CFAP54: variants seen among roughly 807,000 people sequenced by gnomAD.
CFAP54 encodes the protein cilia and flagella associated protein 54.
CFAP54 carries 290 observed loss-of-function variants against 370.4 expected under a neutral mutation model. The observed-to-expected ratio is 0.78, with a 90% CI of 0.71 to 0.86. The LOEUF is 0.86. Ranked by LOEUF, CFAP54 falls within the 40% of genes least tolerant of loss-of-function variation. CFAP54 has a pLI of 0.00. For missense variants in CFAP54, 3,399 were observed against 3,528.7 expected, an observed-to-expected ratio of 0.96 and a Z score of 0.93; for synonymous variants, 1,206 against 1,236.5, an observed-to-expected ratio of 0.98 and a Z score of 0.52.
At chr12:96,699,876 G>A in intron 45 of CFAP54, 95 bp from the exon 46 acceptor site, 1 of 1,015,252 alleles carries the variant, frequency 9.8e-7, no homozygotes, top group South Asian at 1.6e-5. Context: ...CAGAAACTTT[G>A]GATCTCAGAA....
intron 42 of CFAP54, among the ~76,000 whole-genome samples, chr12:96,687,800 T>C (rs1376637228): frequency 6.6e-6 from 1 of 152,154 alleles, no homozygotes; most frequent in African/African-American, 2.4e-5. Flanking sequence ...GCTTGGCAAT[T>C]GGGAATGGAA....
At chr12:96,722,005 CCTT>C (rs1218939848) in intron 50 of CFAP54, among the ~76,000 whole-genome samples, 1 of 152,140 alleles carries the variant, frequency 6.6e-6, no homozygotes, top group Non-Finnish European at 1.5e-5. Context: ...CGACCACTGT[CCTT>C]CTCTTTCTGC....
rs952005278 is a variant in CFAP54 at position 96,554,818 on chromosome 12, G to A, written c.2410+16G>A. 6 of 1,519,208 alleles carry A rather than the reference G, an allele frequency of 3.9e-6. No homozygotes were observed. The East Asian group carries it at 1.5e-4, about 38-fold the overall frequency. 94.1% of individuals were successfully genotyped at this position (1,519,208 alleles called of 1,614,324 possible). ...AAATTGCAAGGTAGTAGTCACTAAAGCAAGTAACCATTCTGAATCAATTTT... is the reference window on the plus strand; with the variant it reads ...AAATTGCAAGGTAGTAGTCACTAAAACAAGTAACCATTCTGAATCAATTTT... On this transcript the variant is annotated intron_variant, in intron 17 of 67. Transcript: ENST00000524981.
chr12:96,630,385 T>A (rs1956593894), intron 31 of CFAP54, among the ~76,000 whole-genome samples, 166 bp from the exon 32 acceptor site: 1 of 39,502 alleles, frequency 2.5e-5, no homozygotes, highest in Non-Finnish European at 5.0e-5. Flanking sequence ...ATAATCAGAT[T>A]TTTTTTGTCT....
At chr12:96,519,433 C>A (rs1262659759) in intron 6 of CFAP54, among the ~76,000 whole-genome samples, 1 of 152,038 alleles carries the variant, frequency 6.6e-6, no homozygotes, top group African/African-American at 2.4e-5. Context: ...CCAGCATTTT[C>A]TTCCTTAGAT....
chr12:96,529,970 T>G (rs570681970), intron 9 of CFAP54, among the ~76,000 whole-genome samples: 1 of 152,344 alleles, frequency 6.6e-6, no homozygotes, highest in South Asian at 2.1e-4. Flanking sequence ...TCCTTAAGTT[T>G]ATGAGGTCTA....
At chr12:96,532,585 G>A (rs1955451298) in intron 9 of CFAP54, among the ~76,000 whole-genome samples, 1 of 151,972 alleles carries the variant, frequency 6.6e-6, no homozygotes, top group Non-Finnish European at 1.5e-5. Context: ...GTGTCTTTAA[G>A]CCTAATCCCT....
chr12:96,862,648 A>G (rs1391880796), intron 67 of CFAP54, among the ~76,000 whole-genome samples: 1 of 152,206 alleles, frequency 6.6e-6, no homozygotes, highest in Admixed American at 6.5e-5. Context: ...TGAAAGAGAA[A>G]AAGAACCAAA....
chr12:96,505,265 T>G (rs976463874), intron 3 of CFAP54, among the ~76,000 whole-genome samples: 4 of 151,842 alleles, frequency 2.6e-5, no homozygotes, highest in African/African-American at 9.7e-5. Flanking sequence ...GGTTTCACCA[T>G]GTCGGTCAGG....
At chr12:96,491,587 A>T (rs1489527258) in intron 1 of CFAP54, among the ~76,000 whole-genome samples, 2 of 152,228 alleles carry the variant, frequency 1.3e-5, no homozygotes, top group South Asian at 2.1e-4. Flanking sequence ...AACAGAGACT[A>T]AGGAGGAGGG....
At chr12:96,687,666 C>T (rs540196589) in intron 42 of CFAP54, among the ~76,000 whole-genome samples, 40 of 152,258 alleles carry the variant, frequency 2.6e-4, no homozygotes, top group East Asian at 3.9e-4. Context: ...AAGTATTAAA[C>T]GTCAAAGATT....
intron 63 of CFAP54, among the ~76,000 whole-genome samples, chr12:96,797,543 C>T (rs1358104606): frequency 6.6e-6 from 1 of 151,984 alleles, no homozygotes; most frequent in Non-Finnish European, 1.5e-5. Flanking sequence ...GCTGTTATAT[C>T]ATCTTGGTGA....
chr12:96,772,636 A>G (rs545017487), intron 60 of CFAP54, among the ~76,000 whole-genome samples: 70 of 128,588 alleles, frequency 5.4e-4, no homozygotes, highest in Middle Eastern at 4.1e-3. Context: ...CTTGTTGCCC[A>G]GGCTGGAGTG....
intron 65 of CFAP54, among the ~76,000 whole-genome samples, chr12:96,826,363 T>C (rs924999315): frequency 1.3e-5 from 1 of 78,814 alleles, no homozygotes; most frequent in Non-Finnish European, 2.6e-5. Flanking sequence ...AATATACATA[T>C]AGTTATATAT....
chr12:96,512,950 C>T, intron 4 of CFAP54, 36 bp from the exon 5 acceptor site: 1 of 1,356,160 alleles, frequency 7.4e-7, no homozygotes. Flanking sequence ...TATCATTTGA[C>T]TGTAAAACAT....
intron 17 of CFAP54, among the ~76,000 whole-genome samples, chr12:96,559,615 A>T (rs1212594203): frequency 6.6e-6 from 1 of 152,170 alleles, no homozygotes; most frequent in African/African-American, 2.4e-5. Flanking sequence ...ATGTATAAAC[A>T]TCTGTAGATG....
chr12:96,738,863 G>A (rs1958014666), intron 50 of CFAP54, among the ~76,000 whole-genome samples: 1 of 152,122 alleles, frequency 6.6e-6, no homozygotes, highest in South Asian at 2.1e-4. Flanking sequence ...GCCTACCTCA[G>A]CCTCCCAAAG....
intron 9 of CFAP54, among the ~76,000 whole-genome samples, chr12:96,532,386 C>A (rs981288126): frequency 6.6e-6 from 1 of 152,118 alleles, no homozygotes; most frequent in African/African-American, 2.4e-5. Flanking sequence ...CATGTGTATG[C>A]GAATGCCCAT....
chr12:96,752,696 A>G (rs888287041), intron 55 of CFAP54, among the ~76,000 whole-genome samples: 2 of 152,142 alleles, frequency 1.3e-5, no homozygotes, highest in Non-Finnish European at 2.9e-5. Flanking sequence ...CCTGCTAGCA[A>G]AGTGCCCCGT....
Sources: allele counts gnomAD v4.1 joint callset (sites outside exome capture counted in the v4.1 genomes callset), GRCh38; gene constraint gnomAD v4.1.1; transcripts MANE v1.5; gene names NCBI Gene and HGNC (gene_info 2026-07-23, HGNC 2026-07-21).